Variants in LRRK2 observed in about 807,000 individuals in gnomAD.
LRRK2 encodes the protein leucine-rich repeat serine/threonine-protein kinase 2.
In LRRK2, 203 loss-of-function variants were observed where a neutral mutation model predicts 302.6. That is an observed-to-expected ratio of 0.67 (90% confidence interval 0.60 to 0.75). The LOEUF (loss-of-function observed/expected upper bound fraction) is 0.75. LRRK2 is among the 30% of genes least tolerant of loss of function. The pLI is 0.00. For synonymous variants in LRRK2, 1,066 were observed against 1,031.9 expected (o/e 1.03, Z -0.63); for missense variants, 2,830 against 2,951.0 (o/e 0.96, Z 0.95).
At chr12:40,332,927 A>C (rs1016796054) in intron 39 of LRRK2, among the ~76,000 whole-genome samples, 1 of 150,292 alleles carries the variant, frequency 6.7e-6, no homozygotes, top group Non-Finnish European at 1.5e-5. Flanking sequence ...AGAAATTAAA[A>C]AAAAAGGGGT....
At chr12:40,347,937 A>G (rs1946241704) in intron 42 of LRRK2, among the ~76,000 whole-genome samples, 1 of 139,176 alleles carries the variant, frequency 7.2e-6, no homozygotes, top group Admixed American at 7.6e-5. Context: ...AGCCTAAGCA[A>G]CAAAGTGAGA....
intron 2 of LRRK2, among the ~76,000 whole-genome samples, chr12:40,228,095 T>C (rs1454573874): frequency 1.3e-5 from 2 of 152,208 alleles, no homozygotes; most frequent in Non-Finnish European, 2.9e-5. Context: ...TTTGGATATA[T>C]ACCCAGCGAT....
At chr12:40,347,991 C>G (rs1416128316) in intron 42 of LRRK2, among the ~76,000 whole-genome samples, 1 of 151,918 alleles carries the variant, frequency 6.6e-6, no homozygotes, top group Admixed American at 6.6e-5. Context: ...TCTGCATCAA[C>G]CAGAATAAGC....
chr12:40,361,013 A>G (rs987220154), intron 47 of LRRK2, among the ~76,000 whole-genome samples: 2 of 152,118 alleles, frequency 1.3e-5, no homozygotes. Flanking sequence ...CACTAAATCT[A>G]CTGGCTTTCA....
intron 2 of LRRK2, among the ~76,000 whole-genome samples, chr12:40,231,816 A>G (rs991311674): frequency 2.7e-5 from 4 of 147,886 alleles, no homozygotes; most frequent in African/African-American, 9.8e-5. Context: ...TAATATATAT[A>G]TATTTGAAAT....
intron 14 of LRRK2, among the ~76,000 whole-genome samples, chr12:40,265,438 C>G (rs1942966902): frequency 6.6e-6 from 1 of 152,098 alleles, no homozygotes; most frequent in Non-Finnish European, 1.5e-5. Context: ...TATACCCTGA[C>G]AGAATTCAGG....
chr12:40,287,022 G>A (rs1462510500), intron 19 of LRRK2, among the ~76,000 whole-genome samples: 1 of 151,966 alleles, frequency 6.6e-6, no homozygotes, highest in Non-Finnish European at 1.5e-5. Context: ...TACCCAGGGA[G>A]CTCATATAAC....
At chr12:40,264,263 A>G (rs1199704426) in intron 14 of LRRK2, among the ~76,000 whole-genome samples, 4 of 152,116 alleles carry the variant, frequency 2.6e-5, no homozygotes, top group African/African-American at 7.2e-5. Flanking sequence ...TCCTCTGGCT[A>G]CTTGTCTTTC....
At chr12:40,299,474 G>A (rs1040220361) in intron 25 of LRRK2, among the ~76,000 whole-genome samples, 9 of 152,152 alleles carry the variant, frequency 5.9e-5, no homozygotes, top group African/African-American at 2.2e-4. Context: ...GTAAGTGAAA[G>A]AAGCCAATCT....
intron 14 of LRRK2, among the ~76,000 whole-genome samples, chr12:40,274,011 A>G (rs879129868): frequency 1.3e-5 from 2 of 152,190 alleles, no homozygotes; most frequent in African/African-American, 4.8e-5. Flanking sequence ...CCCAGGCCCA[A>G]TGCATATTAG....
chr12:40,356,028 A>G, intron 45 of LRRK2, 87 bp from the exon 46 acceptor site: 1 of 799,940 alleles, frequency 1.3e-6, no homozygotes, highest in Non-Finnish European at 2.1e-6. Flanking sequence ...GTCTATCTAA[A>G]GTTTAATAAA....
At chr12:40,318,323 C>T (rs953840238) in intron 33 of LRRK2, among the ~76,000 whole-genome samples, 3 of 152,002 alleles carry the variant, frequency 2.0e-5, no homozygotes, top group Non-Finnish European at 4.4e-5. Flanking sequence ...ATAGTGGTAG[C>T]ACGCTATAGA....
Position 40,225,579 on chromosome 12 carries a change from A to G in LRRK2, c.176A>G (p.Asn59Ser), listed in dbSNP as rs1940831608. Reference protein sequence around the residue: ...ERASKLFQGKNIHVPLLIVLD... With the variant: ...ERASKLFQGKSIHVPLLIVLD... ...GCCTCCAAGTTATTTCAAGGCAAAAATATCCATGTGCCTCTGTTGATCGTC... is the reference window on the plus strand; with the variant it reads ...GCCTCCAAGTTATTTCAAGGCAAAAGTATCCATGTGCCTCTGTTGATCGTC... Residue 59 changes from asparagine (N) to serine (S), a missense_variant, in exon 2 of 51, where the codon AAT becomes AGT. By Grantham distance (46) the Asn-to-Ser change is conservative. This residue lies in a region of LRRK2 where 2,121 missense variants were observed against 2,148.0 expected (regional missense o/e 0.99). Coordinates refer to ENST00000298910, the MANE Select transcript of LRRK2 (RefSeq NM_198578.4). The G allele has an allele frequency of 1.2e-6, 2 of 1,614,000 alleles. No individual in the cohort carries two copies. Among genetic ancestry groups the G allele is most frequent in the Non-Finnish European group, 8.5e-7 (1 of 1,179,994 alleles).
At chr12:40,354,516 G>A (rs1205865147) in intron 45 of LRRK2, 24 bp downstream of exon 45, 15 of 1,595,708 alleles carry the variant, frequency 9.4e-6, no homozygotes, top group Non-Finnish European at 1.1e-5. Flanking sequence ...TTTGATCAAT[G>A]GGGAAATTAC....
chr12:40,321,319 G>A, intron 35 of LRRK2, 131 bp downstream of exon 35: 1 of 898,988 alleles, frequency 1.1e-6, no homozygotes, highest in Non-Finnish European at 1.6e-6. Flanking sequence ...TGTTTGGAAG[G>A]CAGCTGAAGA....
chr12:40,266,098 C>A (rs1943000160), intron 14 of LRRK2, among the ~76,000 whole-genome samples: 1 of 152,110 alleles, frequency 6.6e-6, no homozygotes, highest in African/African-American at 2.4e-5. Flanking sequence ...ATAGGCAAGG[C>A]CTTCATGTCT....
intron 12 of LRRK2, among the ~76,000 whole-genome samples, chr12:40,257,978 T>A (rs1256385854): frequency 6.6e-6 from 1 of 151,806 alleles, no homozygotes; most frequent in Non-Finnish European, 1.5e-5. Flanking sequence ...CTCTCATGTG[T>A]AAAAAAAATA....
intron 7 of LRRK2, among the ~76,000 whole-genome samples, chr12:40,246,167 CT>C (rs1941972582): frequency 6.6e-6 from 1 of 151,386 alleles, no homozygotes; most frequent in Non-Finnish European, 1.5e-5. Flanking sequence ...TCAATGTGGG[CT>C]TTTAAATGTT....
chr12:40,251,614 T>A, intron 10 of LRRK2, 70 bp downstream of exon 10: 1 of 1,268,166 alleles, frequency 7.9e-7, no homozygotes, highest in Non-Finnish European at 1.1e-6. Context: ...TAAAATACCT[T>A]AACCGTAACT....
Sources: allele counts gnomAD v4.1 joint callset (sites outside exome capture counted in the v4.1 genomes callset), GRCh38; gene constraint gnomAD v4.1.1; regional missense constraint gnomAD v4.1.1; transcripts MANE v1.5; gene names NCBI Gene and HGNC (gene_info 2026-07-23, HGNC 2026-07-21).